ADAMTSL1: variants seen among roughly 807,000 people sequenced by gnomAD.
ADAMTSL1 encodes ADAMTS like 1, also known as ADAMTS-like protein 1.
In ADAMTSL1, 126 loss-of-function variants were observed where a neutral mutation model predicts 201.8. The ratio of observed to expected loss-of-function variants is 0.62; its 90% CI spans 0.54 to 0.72. The LOEUF (loss-of-function observed/expected upper bound fraction) is 0.72, where lower values mean the gene tolerates loss of function less well. Ranked by LOEUF, ADAMTSL1 falls within the 30% of genes least tolerant of loss-of-function variation. The pLI, the probability that ADAMTSL1 is intolerant of heterozygous loss-of-function variation, is 0.00. For missense variants in ADAMTSL1, 2,679 were observed against 2,277.8 expected (o/e 1.18, Z -3.59); for synonymous variants, 1,121 against 903.4 (o/e 1.24, Z -4.32).
intron 15 of ADAMTSL1, among the ~76,000 whole-genome samples, chr9:18,733,629 C>T (rs1818339861): frequency 7.2e-6 from 1 of 138,466 alleles, no homozygotes; most frequent in African/African-American, 2.8e-5. Flanking sequence ...CACCACCACT[C>T]CCCCCACACA....
At chr9:18,788,494 T>C (rs926178989) in intron 19 of ADAMTSL1, among the ~76,000 whole-genome samples, 1 of 151,052 alleles carries the variant, frequency 6.6e-6, no homozygotes, top group Non-Finnish European at 1.5e-5. Context: ...TATTCCTTAC[T>C]CCTGATGCCA....
intron 14 of ADAMTSL1, among the ~76,000 whole-genome samples, chr9:18,709,877 C>T (rs1832453823): frequency 1.3e-5 from 2 of 152,170 alleles, no homozygotes; most frequent in Non-Finnish European, 1.5e-5. Context: ...AAGCCTTGTA[C>T]CTGTTGTTCC....
At chr9:18,535,484 T>C (rs2132119971) in intron 3 of ADAMTSL1, among the ~76,000 whole-genome samples, 1 of 152,162 alleles carries the variant, frequency 6.6e-6, no homozygotes, top group South Asian at 2.1e-4. Context: ...GTCTTCTTCT[T>C]AGCCCTCCAA....
intron 26 of ADAMTSL1, among the ~76,000 whole-genome samples, chr9:18,895,439 CAA>C (rs1350901654): frequency 5.4e-5 from 7 of 129,800 alleles, no homozygotes; most frequent in African/African-American, 1.2e-4. Context: ...CCCCTCCCCC[CAA>C]TGTGGCATGG....
intron 25 of ADAMTSL1, among the ~76,000 whole-genome samples, chr9:18,891,664 G>A (rs1362919066): frequency 1.3e-5 from 2 of 152,322 alleles, no homozygotes; most frequent in South Asian, 2.1e-4. Flanking sequence ...ACGCGGTCAC[G>A]CCAAGAGATG....
In ADAMTSL1 at chr9:18,574,161, C is replaced by T. The variant is rs1446330428; in HGVS notation, c.369C>T (p.Cys123=). ...CTGACAACCCATGTTCACTCAAGTG[C>T]CAAGCCAAAGGAACAACCCTGGTTG... ...NDPDNPCSLK[C]QAKGTTLVVE... The change falls in exon 4 of 29, where the codon TGC becomes TGT. Residue 123 remains cysteine (C), a synonymous_variant. Coordinates refer to ENST00000380548, the MANE Select transcript of ADAMTSL1 (RefSeq NM_001040272.6). 1 of 1,614,158 alleles carries T rather than the reference C, an allele frequency of 6.2e-7. No homozygotes were observed. Among genetic ancestry groups the T allele is most frequent in the Non-Finnish European group, 8.5e-7 (1 of 1,180,014 alleles).
At chr9:18,454,233 T>C (rs1820520501) in intron 2 of ADAMTSL1, among the ~76,000 whole-genome samples, 1 of 152,148 alleles carries the variant, frequency 6.6e-6, no homozygotes, top group African/African-American at 2.4e-5. Flanking sequence ...GTAAATCATA[T>C]AATCCCAAGG....
At chr9:18,606,093 C>T (rs372990579) in intron 4 of ADAMTSL1, among the ~76,000 whole-genome samples, 6 of 152,230 alleles carry the variant, frequency 3.9e-5, no homozygotes, top group East Asian at 3.9e-4. Context: ...CGCCCAGATG[C>T]GAGCTGTTTG....
chr9:18,828,255 A>G (rs10756990), intron 22 of ADAMTSL1, among the ~76,000 whole-genome samples: 94,604 of 151,958 alleles, frequency 0.62, 30,851 homozygotes, highest in Non-Finnish European at 0.73. Context: ...GAGCAAATGG[A>G]CATGCACTGA....
At chr9:18,676,829 A>T (rs1256115937) in intron 10 of ADAMTSL1, among the ~76,000 whole-genome samples, 1 of 152,114 alleles carries the variant, frequency 6.6e-6, no homozygotes. Context: ...TTTTATTTTG[A>T]ACTGTAAGGG....
At chr9:18,625,272 GT>G (rs58666836) in intron 5 of ADAMTSL1, among the ~76,000 whole-genome samples, 53,989 of 145,788 alleles carry the variant, frequency 0.37, 9,952 homozygotes, top group South Asian at 0.49. Flanking sequence ...TTATATCCAA[GT>G]TTTTTTTTTT....
intron 2 of ADAMTSL1, among the ~76,000 whole-genome samples, chr9:18,332,664 A>G (rs541004084): frequency 6.6e-6 from 1 of 152,308 alleles, no homozygotes; most frequent in African/African-American, 2.4e-5. Context: ...ATGGACGTAC[A>G]GCATCAATAG....
chr9:18,208,933 T>A (rs149713431), intron 2 of ADAMTSL1, among the ~76,000 whole-genome samples: 80 of 151,126 alleles, frequency 5.3e-4, no homozygotes, highest in African/African-American at 1.8e-3. Context: ...CATTGAACCT[T>A]GATTTTCTTA....
At chr9:18,522,711 A>G (rs7019410) in intron 2 of ADAMTSL1, among the ~76,000 whole-genome samples, 89,346 of 150,260 alleles carry the variant, frequency 0.59, 26,794 homozygotes, top group East Asian at 0.8. Context: ...TTTTCCCTGC[A>G]ATAGTTTGCT....
chr9:18,700,443 G>C (rs971255434), intron 13 of ADAMTSL1, among the ~76,000 whole-genome samples: 2 of 152,038 alleles, frequency 1.3e-5, no homozygotes, highest in Non-Finnish European at 2.9e-5. Context: ...TCTCTTCCAA[G>C]TTTCTTTCTC....
chr9:18,664,264 A>T (rs549802050), intron 9 of ADAMTSL1, among the ~76,000 whole-genome samples: 7 of 152,034 alleles, frequency 4.6e-5, no homozygotes, highest in Non-Finnish European at 8.8e-5. Context: ...AATCAAAGCA[A>T]CCCTTCTGAA....
intron 14 of ADAMTSL1, among the ~76,000 whole-genome samples, chr9:18,708,348 T>A (rs1832348837): frequency 6.6e-6 from 1 of 152,236 alleles, no homozygotes; most frequent in African/African-American, 2.4e-5. Flanking sequence ...TGTTTCCACA[T>A]CTTCCAGTTT....
intron 2 of ADAMTSL1, among the ~76,000 whole-genome samples, chr9:18,164,743 T>C (rs925806677): frequency 2.6e-5 from 4 of 151,806 alleles, no homozygotes; most frequent in Non-Finnish European, 5.9e-5. Flanking sequence ...AATAACATCT[T>C]AGAATACCCC....
chr9:18,829,794 C>G (rs1356315599), intron 22 of ADAMTSL1, 49 bp from the exon 23 acceptor site: 1 of 1,610,750 alleles, frequency 6.2e-7, no homozygotes, highest in East Asian at 2.2e-5. Context: ...CTTGCCTTGA[C>G]ACAGCCCTGT....
Sources: gnomAD v4.1 joint callset for allele counts (sites outside exome capture counted in the v4.1 genomes callset) on GRCh38, gnomAD v4.1.1 for gene constraint, MANE v1.5 for transcripts, NCBI Gene and HGNC (gene_info 2026-07-23, HGNC 2026-07-21) for gene names.